Variants in PATJ observed in about 807,000 individuals in gnomAD.
The protein encoded by PATJ is inaD-like protein.
A neutral mutation model predicts 224.9 loss-of-function variants in PATJ; 190 were observed. The ratio of observed to expected loss-of-function variants is 0.84; its 90% CI spans 0.75 to 0.95. PATJ has a LOEUF of 0.95. PATJ is among the 40% of genes least tolerant of loss of function. PATJ has a pLI of 0.00. For missense variants in PATJ, 2,121 were observed against 2,270.3 expected (o/e 0.93, Z 1.34); for synonymous variants, 769 against 820.3 (o/e 0.94, Z 1.07).
At chr1:62,095,638 G>A (rs1429719410) in intron 33 of PATJ, among the ~76,000 whole-genome samples, 2 of 152,164 alleles carry the variant, frequency 1.3e-5, no homozygotes, top group Admixed American at 1.3e-4. Context: ...ATTAGAGAAA[G>A]CATTTGTCTG....
intron 22 of PATJ, among the ~76,000 whole-genome samples, chr1:61,899,002 T>C (rs1670754095): frequency 6.6e-6 from 1 of 152,086 alleles, no homozygotes; most frequent in South Asian, 2.1e-4. Flanking sequence ...TCAGTAGTAC[T>C]ATACTAACTT....
chr1:61,999,604 G>A (rs2149597457), intron 28 of PATJ, among the ~76,000 whole-genome samples: 1 of 152,052 alleles, frequency 6.6e-6, no homozygotes, highest in East Asian at 1.9e-4. Flanking sequence ...GGAGTTGGAG[G>A]TTACAGTGAG....
chr1:61,855,809 C>G (rs1399951200), intron 17 of PATJ, among the ~76,000 whole-genome samples: 2 of 152,174 alleles, frequency 1.3e-5, no homozygotes, highest in Non-Finnish European at 2.9e-5. Flanking sequence ...GTCCTCCCAC[C>G]TCAGCCTCCC....
chr1:61,806,572 T>TC (rs1653602834), intron 13 of PATJ, among the ~76,000 whole-genome samples: 1 of 148,192 alleles, frequency 6.7e-6, no homozygotes, highest in South Asian at 2.1e-4. Flanking sequence ...TGAGCGGAGA[T>TC]CATGCCACTG....
chr1:62,116,334 T>C (rs1340535834), intron 35 of PATJ, among the ~76,000 whole-genome samples, 198 bp from the exon 36 acceptor site: 1 of 152,158 alleles, frequency 6.6e-6, no homozygotes, highest in Non-Finnish European at 1.5e-5. Context: ...CATCATAGAA[T>C]AGTATGTAGC....
chr1:61,859,481 T>C (rs1664209260), intron 18 of PATJ, among the ~76,000 whole-genome samples: 1 of 152,068 alleles, frequency 6.6e-6, no homozygotes, highest in Non-Finnish European at 1.5e-5. Context: ...AAACTGCTCA[T>C]GAGCTATAAA....
At chr1:61,747,907 ATATCT>A (rs1645105210) in intron 1 of PATJ, among the ~76,000 whole-genome samples, 1 of 152,200 alleles carries the variant, frequency 6.6e-6, no homozygotes, top group South Asian at 2.1e-4. Flanking sequence ...GGAATCTAAA[ATATCT>A]TATTAATTTT....
In PATJ at chr1:61,787,930, A is replaced by C. The variant is rs1570488609; in HGVS notation, c.1026A>C (p.Leu342Phe). Residue 342 changes from leucine to phenylalanine, a missense_variant, in exon 8 of 44, where the codon TTA (leucine) becomes TTC (phenylalanine). Leu to Phe is a conservative substitution (Grantham distance 22, BLOSUM62 0). Coordinates refer to ENST00000642238, the MANE Select transcript of PATJ (RefSeq NM_001350145.3). ...TCACCCCCCCTGCCCCTGCAGCCTT[A>C]CCTGTTGCCCTGCCTACTGTAGCCA... ...ISVTPPAPAA[L>F]PVALPTVASK... is the part of the protein sequence containing the mutation. 1.9e-6 allele frequency: 3 copies of C among 1,613,776 alleles called. No homozygotes were observed. In the South Asian group the frequency reaches 3.3e-5, roughly 18 times the overall value.
In PATJ at chr1:62,161,140, C is replaced by T. The variant is rs141399326; in HGVS notation, c.*86C>T. On this transcript the variant is annotated 3_prime_UTR_variant, in exon 44 of 44. Transcript: ENST00000642238. ...TCTGAGTGGGTATGAAAAGCACCCTCAACTAAAATGCACCTTCATTCTTAT... is the reference window on the plus strand; with the variant it reads ...TCTGAGTGGGTATGAAAAGCACCCTTAACTAAAATGCACCTTCATTCTTAT... The T allele has an allele frequency of 2.1e-4, 220 of 1,063,846 alleles. No homozygotes were observed. The African/African-American group carries it at 3.3e-3, about 16-fold the overall frequency. The allele number at this position is 1,063,846 out of a possible 1,614,324, so 65.9% of individuals were successfully genotyped here.
At chr1:61,964,847 G>A (rs903639412) in intron 27 of PATJ, among the ~76,000 whole-genome samples, 12 of 151,242 alleles carry the variant, frequency 7.9e-5, no homozygotes, top group Admixed American at 5.3e-4. Flanking sequence ...CGTGGTGGCC[G>A]ATGCCTGTAA....
In PATJ at chr1:62,116,648, C is replaced by T; in HGVS notation, c.4772C>T (p.Ala1591Val). ...LSVNGEDMRN[A>V]SQETVATILK... ...GTGAATGGGGAGGACATGAGAAATG[C>T]CTCACAGGAGACAGTGGCCACCATC... Residue 1591 changes from alanine (A) to valine (V), a missense_variant, in exon 36 of 44, where the codon GCC (alanine) becomes GTC (valine). Physicochemically the swap from Ala to Val is moderately conservative, Grantham distance 64. Transcript: ENST00000642238. 1.9e-6 allele frequency: 3 copies of T among 1,612,940 alleles called. No homozygotes were observed. The highest frequency in any genetic ancestry group is 2.5e-6 in the Non-Finnish European group (3 of 1,179,590).
chr1:62,101,902 G>A (rs1662224021), intron 33 of PATJ, among the ~76,000 whole-genome samples: 2 of 152,098 alleles, frequency 1.3e-5, no homozygotes, highest in South Asian at 4.1e-4. Flanking sequence ...ATCCAGGCTG[G>A]GCACAGTGAC....
At chr1:61,957,205 C>G (rs998296048) in intron 27 of PATJ, among the ~76,000 whole-genome samples, 7 of 152,032 alleles carry the variant, frequency 4.6e-5, no homozygotes, top group Admixed American at 2.0e-4. Context: ...CAAATCTATT[C>G]CATTTATAAA....
chr1:61,960,005 A>C (rs1219028550), intron 27 of PATJ, among the ~76,000 whole-genome samples: 2 of 152,108 alleles, frequency 1.3e-5, no homozygotes, highest in East Asian at 3.9e-4. Flanking sequence ...CATGGACAAC[A>C]GAGCAAGGCC....
chr1:61,791,592 T>C (rs1649880383), intron 9 of PATJ, 145 bp downstream of exon 9: 1 of 509,224 alleles, frequency 2.0e-6, no homozygotes, highest in Non-Finnish European at 3.5e-6. Context: ...CACTTCTCAG[T>C]GATTACAGAA....
chr1:61,879,702 C>A (rs1391659333), intron 21 of PATJ, among the ~76,000 whole-genome samples: 3 of 151,654 alleles, frequency 2.0e-5, no homozygotes, highest in Non-Finnish European at 1.5e-5. Flanking sequence ...AGTGGCAAAT[C>A]AAAATATTGG....
intron 25 of PATJ, among the ~76,000 whole-genome samples, chr1:61,909,299 T>C (rs537504241): frequency 5.6e-4 from 85 of 152,320 alleles, no homozygotes; most frequent in Non-Finnish European, 9.8e-4. Context: ...TCTTCTGTAA[T>C]TAATTACTCC....
chr1:61,948,955 A>G (rs919622822), intron 27 of PATJ, among the ~76,000 whole-genome samples: 1 of 152,036 alleles, frequency 6.6e-6, no homozygotes, highest in East Asian at 1.9e-4. Context: ...TCAGCAAACT[A>G]TCACAAGGAC....
intron 7 of PATJ, among the ~76,000 whole-genome samples, chr1:61,778,888 A>G (rs1483384702): frequency 1.3e-5 from 2 of 151,906 alleles, no homozygotes; most frequent in Non-Finnish European, 2.9e-5. Context: ...TTTAATAGAG[A>G]TGGGGTTTCA....
Sources: gnomAD v4.1 joint callset for allele counts (sites outside exome capture counted in the v4.1 genomes callset) on GRCh38, gnomAD v4.1.1 for gene constraint, MANE v1.5 for transcripts, NCBI Gene and HGNC (gene_info 2026-07-23, HGNC 2026-07-21) for gene names.